The following AMOTL1 variants were observed in gnomAD, a reference collection of about 807,000 sequenced individuals.
The protein encoded by AMOTL1 is angiomotin-like protein 1.
AMOTL1 carries 45 observed loss-of-function variants against 102.9 expected under a neutral mutation model. The observed-to-expected ratio is 0.44, with a 90% CI of 0.34 to 0.56. AMOTL1 has a LOEUF of 0.56. AMOTL1 is among the 20% of genes least tolerant of loss of function. AMOTL1 has a pLI of 0.01. For synonymous variants in AMOTL1, 481 were observed against 484.7 expected (o/e 0.99, Z 0.10); for missense variants, 1,114 against 1,225.6 (o/e 0.91, Z 1.36).
chr11:94,869,600 T>A, intron 12 of AMOTL1, 127 bp downstream of exon 12: 1 of 1,093,084 alleles, frequency 9.1e-7, no homozygotes, highest in Non-Finnish European at 1.3e-6. Flanking sequence ...GATGCTATTC[T>A]AATGCACTTA....
chr11:94,783,033 A>G (rs1442216821), intron 1 of AMOTL1, among the ~76,000 whole-genome samples: 2 of 152,214 alleles, frequency 1.3e-5, no homozygotes, highest in African/African-American at 4.8e-5. Flanking sequence ...CACATTAACA[A>G]TAACTCATTG....
chr11:94,798,981 G>C (rs1951416518), intron 2 of AMOTL1, among the ~76,000 whole-genome samples: 1 of 152,090 alleles, frequency 6.6e-6, no homozygotes, highest in African/African-American at 2.4e-5. Context: ...AGAAGGAAAA[G>C]TGAGATACAG....
In AMOTL1 at chr11:94,856,185, C is replaced by T. The variant is rs1303004377; in HGVS notation, c.1944+2103C>T. On this transcript the variant is annotated intron_variant, in intron 8 of 12. Transcript: ENST00000433060. ...AAAGATAAGTAGAGGTTGAGTATCC[C>T]TTATCTGAAATGCTTGGGACCAGAA... is the stretch of plus-strand genomic sequence containing the variant. Among the ~76,000 whole-genome samples, 6 of 152,070 alleles carry T rather than the reference C, an allele frequency of 3.9e-5. No homozygotes were observed. The East Asian group carries it at 9.6e-4, about 24-fold the overall frequency.
intron 3 of AMOTL1, among the ~76,000 whole-genome samples, chr11:94,750,286 T>C (rs565647348): frequency 1.1e-4 from 16 of 152,284 alleles, no homozygotes; most frequent in Admixed American, 9.8e-4. Flanking sequence ...AAACACCATA[T>C]TGAGACCCGT....
chr11:94,775,143 A>G (rs1366195408), intron 1 of AMOTL1, among the ~76,000 whole-genome samples: 3 of 152,252 alleles, frequency 2.0e-5, no homozygotes, highest in Admixed American at 6.5e-5. Context: ...AATTTTGTGT[A>G]AAATAGTTTT....
At chr11:94,821,899 G>A (rs1592001075) in intron 4 of AMOTL1, 78 bp downstream of exon 4, 3 of 1,551,500 alleles carry the variant, frequency 1.9e-6, no homozygotes, top group Non-Finnish European at 2.6e-6. Flanking sequence ...TGACTGACTT[G>A]CCAACATTGC....
intron 1 of AMOTL1, among the ~76,000 whole-genome samples, chr11:94,715,896 C>G (rs1950088680): frequency 6.6e-6 from 1 of 150,712 alleles, no homozygotes; most frequent in African/African-American, 2.4e-5. Flanking sequence ...TGTGTTTATG[C>G]ATTTCACCAA....
upstream of AMOTL1, among the ~76,000 whole-genome samples, chr11:94,766,314 C>A (rs1417535239): frequency 6.6e-6 from 1 of 152,070 alleles, no homozygotes; most frequent in South Asian, 2.1e-4. Context: ...GAGTATTTTA[C>A]ATTTGTTATT....
chr11:94,725,677 T>G (rs1393208467), intron 1 of AMOTL1, among the ~76,000 whole-genome samples: 2 of 152,102 alleles, frequency 1.3e-5, no homozygotes, highest in East Asian at 3.9e-4. Flanking sequence ...AGATGAGATG[T>G]GGAAGATAAG....
Position 94,776,117 on chromosome 11 carries a change from G to A in AMOTL1, c.49+7557G>A, listed in dbSNP as rs565286422. On this transcript the variant is annotated intron_variant, in intron 1 of 12. Coordinates refer to ENST00000433060, the MANE Select transcript of AMOTL1 (RefSeq NM_130847.3). The stretch of plus-strand genomic sequence containing the variant: ...TCCTGAACTTCTCCACCTTGGATCC[G>A]TTCCACTGTTGAACCAAGCTTTGTC... Among the ~76,000 whole-genome samples the A allele has an allele frequency of 3.9e-5, 6 of 152,302 alleles. No individual in the cohort carries two copies. The East Asian group carries it at 9.7e-4, about 25-fold the overall frequency.
chr11:94,858,432 G>T (rs1196459231), intron 8 of AMOTL1, among the ~76,000 whole-genome samples: 1 of 152,208 alleles, frequency 6.6e-6, no homozygotes, highest in Non-Finnish European at 1.5e-5. Flanking sequence ...TTTCCTCTCT[G>T]ATAGGATTAG....
rs758010632 is a variant in AMOTL1 at position 94,800,072 on chromosome 11, C to A, written c.882C>A (p.Pro294=). 2 of 1,613,948 alleles carry A rather than the reference C, an allele frequency of 1.2e-6. No homozygotes were observed. The highest frequency in any genetic ancestry group is 2.7e-5 in the African/African-American group (2 of 75,072). Residue 294 remains proline (P), a synonymous_variant, in exon 3 of 13, where the codon CCC becomes CCA. Transcript: ENST00000433060. The part of the protein sequence containing the change: ...NGKGFKVGGG[P]SPAQPAGKVL... ...AGGGCTTCAAAGTAGGAGGGGGGCC[C>A]TCCCCTGCCCAGCCTGCAGGTAAAG...
chr11:94,836,854 A>G (rs141795286), intron 6 of AMOTL1, among the ~76,000 whole-genome samples: 32 of 151,770 alleles, frequency 2.1e-4, no homozygotes, highest in East Asian at 1.7e-3. Context: ...TGACATTAGT[A>G]TAGTCCATTT....
rs80239963 is a variant in AMOTL1, at chr11:94,862,821, A to G, written c.2136-1914A>G. 5.6e-3 allele frequency among the ~76,000 whole-genome samples: 852 copies of G among 152,280 alleles called. 6 individuals are homozygous for G. The highest frequency in any genetic ancestry group is 0.019 in the African/African-American group (798 of 41,560). Reference sequence around the variant, plus strand: ...TTGTGCACCATAGTGTGAATTTATAATTTTGCAAATATGTTTAAAGCATTT... The same window carrying G: ...TTGTGCACCATAGTGTGAATTTATAGTTTTGCAAATATGTTTAAAGCATTT... On this transcript the variant is annotated intron_variant, in intron 9 of 12. Transcript: ENST00000433060.
chr11:94,710,234 G>A (rs1950002102), intron 1 of AMOTL1, among the ~76,000 whole-genome samples: 1 of 152,196 alleles, frequency 6.6e-6, no homozygotes, highest in Non-Finnish European at 1.5e-5. Context: ...GGTGCCACCT[G>A]AGGCCTGGTG....
chr11:94,813,353 C>A (rs1234670466), intron 3 of AMOTL1, among the ~76,000 whole-genome samples: 1 of 152,200 alleles, frequency 6.6e-6, no homozygotes, highest in East Asian at 1.9e-4. Flanking sequence ...TCCATCTGGG[C>A]TCAGGATGTG....
At chr11:94,829,953 A>G in intron 4 of AMOTL1, 97 bp from the exon 5 acceptor site, 7 of 1,243,506 alleles carry the variant, frequency 5.6e-6, no homozygotes, top group Non-Finnish European at 7.7e-6. Flanking sequence ...TGCATTGAAG[A>G]TACAGCCTTC....
chr11:94,781,240 G>A (rs1951106821), intron 1 of AMOTL1, among the ~76,000 whole-genome samples: 1 of 152,086 alleles, frequency 6.6e-6, no homozygotes, highest in African/African-American at 2.4e-5. Context: ...CTCTCCAGAT[G>A]CATTTTATTT....
chr11:94,853,568 G>A (rs1952593240), intron 7 of AMOTL1, among the ~76,000 whole-genome samples: 1 of 152,074 alleles, frequency 6.6e-6, no homozygotes, highest in South Asian at 2.1e-4. Flanking sequence ...CTTTGCTATT[G>A]TAAATAGTCC....
Sources: gnomAD v4.1 joint callset for allele counts (sites outside exome capture counted in the v4.1 genomes callset) on GRCh38, gnomAD v4.1.1 for gene constraint, MANE v1.5 for transcripts, NCBI Gene and HGNC (gene_info 2026-07-23, HGNC 2026-07-21) for gene names.